PPFIA2: variants seen among roughly 807,000 people sequenced by gnomAD.
PPFIA2 encodes the protein liprin-alpha-2.
A neutral mutation model predicts 175.5 loss-of-function variants in PPFIA2; 46 were observed. That is an observed-to-expected ratio of 0.26 (90% CI 0.21 to 0.34). The LOEUF (loss-of-function observed/expected upper bound fraction) is 0.34. Among genes scored for constraint, PPFIA2 ranks in the 10% least tolerant of loss-of-function variants. The probability of loss-of-function intolerance (pLI) is 1.00; values close to 1 mark genes in which losing one functional copy is unlikely to be tolerated. For missense variants in PPFIA2, 1,179 were observed against 1,506.1 expected (o/e 0.78, Z 3.60); for synonymous variants, 568 against 511.4 (o/e 1.11, Z -1.49).
At chr12:81,547,596 AACTT>A (rs1269637549) in intron 4 of PPFIA2, among the ~76,000 whole-genome samples, 1 of 152,172 alleles carries the variant, frequency 6.6e-6, no homozygotes, top group Non-Finnish European at 1.5e-5. Context: ...GCTGGTCTCG[AACTT>A]ACTGACTAAG....
chr12:81,401,533 C>T (rs1283734007), intron 8 of PPFIA2, among the ~76,000 whole-genome samples: 3 of 152,022 alleles, frequency 2.0e-5, no homozygotes, highest in Non-Finnish European at 2.9e-5. Flanking sequence ...TTTTTGATAC[C>T]ACAATATTTA....
At chr12:81,274,359 T>C (rs1484684677) in intron 28 of PPFIA2, among the ~76,000 whole-genome samples, 6 of 151,818 alleles carry the variant, frequency 4.0e-5, no homozygotes, top group South Asian at 4.2e-4. Context: ...CTAAGACATA[T>C]TATGTGGTCG....
intron 4 of PPFIA2, among the ~76,000 whole-genome samples, chr12:81,579,221 A>C (rs752250186): frequency 9.9e-5 from 15 of 151,836 alleles, no homozygotes; most frequent in Non-Finnish European, 1.9e-4. Context: ...GCTAAAGGTA[A>C]AAAGATAATG....
chr12:81,541,044 C>T (rs2066135375), intron 4 of PPFIA2, among the ~76,000 whole-genome samples: 1 of 152,022 alleles, frequency 6.6e-6, no homozygotes, highest in African/African-American at 2.4e-5. Flanking sequence ...TAGGTAGATA[C>T]TCATAAACAA....
intron 24 of PPFIA2, 180 bp downstream of exon 24, chr12:81,294,655 T>C: frequency 3.2e-6 from 2 of 631,286 alleles, no homozygotes; most frequent in South Asian, 3.9e-5. Context: ...ATATGAATCA[T>C]AGTTCCTCAT....
chr12:81,421,554 A>G (rs2046244335), intron 7 of PPFIA2, among the ~76,000 whole-genome samples: 1 of 149,500 alleles, frequency 6.7e-6, no homozygotes, highest in Non-Finnish European at 1.5e-5. Flanking sequence ...ATACAAGAAG[A>G]AAAAAAATCA....
chr12:81,599,309 C>T (rs888130465), intron 4 of PPFIA2, among the ~76,000 whole-genome samples: 20 of 151,832 alleles, frequency 1.3e-4, no homozygotes, highest in Admixed American at 4.6e-4. Context: ...ACACATACAA[C>T]CTAAATTATT....
chr12:81,384,696 T>G (rs1465935676), intron 8 of PPFIA2, among the ~76,000 whole-genome samples: 1 of 152,118 alleles, frequency 6.6e-6, no homozygotes, highest in African/African-American at 2.4e-5. Context: ...TTTTTAAGTT[T>G]TATTTTCAAT....
chr12:81,688,539 T>C (rs1023413539), intron 3 of PPFIA2, among the ~76,000 whole-genome samples: 2 of 151,568 alleles, frequency 1.3e-5, no homozygotes, highest in Non-Finnish European at 3.0e-5. Flanking sequence ...TACCACATAA[T>C]TTAATTTTAA....
At chr12:81,285,817 T>G (rs1345433356) in intron 24 of PPFIA2, among the ~76,000 whole-genome samples, 2 of 152,128 alleles carry the variant, frequency 1.3e-5, no homozygotes, top group African/African-American at 4.8e-5. Context: ...CCATGATTTT[T>G]AAATCATTAT....
intron 7 of PPFIA2, among the ~76,000 whole-genome samples, chr12:81,437,517 A>G (rs931533096): frequency 1.5e-4 from 23 of 152,110 alleles, no homozygotes; most frequent in South Asian, 8.3e-4. Context: ...ACAGGTGTGA[A>G]CCACCACACC....
intron 3 of PPFIA2, among the ~76,000 whole-genome samples, chr12:81,688,165 A>C (rs932587391): frequency 6.6e-6 from 1 of 152,034 alleles, no homozygotes; most frequent in Non-Finnish European, 1.5e-5. Flanking sequence ...TAATAAAAAA[A>C]TGAGTAATCT....
At position 81,390,851 on chromosome 12, in the gene PPFIA2, A is replaced by C. The variant is rs144235228; in HGVS notation, c.763-6607T>G. On this transcript the variant is annotated intron_variant, in intron 8 of 32. Coordinates refer to ENST00000549396, the MANE Select transcript of PPFIA2 (RefSeq NM_003625.5). ...CTCACGGTGTCATTTCTAAAAAATC[A>C]ATCCCCAACAGAAGGTCATAAAGAT... 2.0e-3 allele frequency among the ~76,000 whole-genome samples: 300 copies of C among 151,784 alleles called. 3 individuals carry two copies. The highest frequency in any genetic ancestry group is 6.8e-3 in the African/African-American group (282 of 41,450).
At chr12:81,630,931 C>T (rs1297389018) in intron 4 of PPFIA2, among the ~76,000 whole-genome samples, 1 of 146,428 alleles carries the variant, frequency 6.8e-6, no homozygotes, top group African/African-American at 2.5e-5. Flanking sequence ...GAGTCTAGCT[C>T]TGTTGGCCAG....
intron 4 of PPFIA2, among the ~76,000 whole-genome samples, chr12:81,562,525 A>G (rs958350813): frequency 6.6e-6 from 1 of 152,160 alleles, no homozygotes; most frequent in African/African-American, 2.4e-5. Flanking sequence ...ACTGAGGAAT[A>G]TTTCAAGAAC....
At chr12:81,455,703 T>C (rs879295145) in intron 5 of PPFIA2, among the ~76,000 whole-genome samples, 3 of 152,216 alleles carry the variant, frequency 2.0e-5, no homozygotes, top group Admixed American at 2.0e-4. Context: ...CACAATTAGA[T>C]ACTGTGGTGG....
chr12:81,757,262 C>G (rs1366657885), intron 2 of PPFIA2, among the ~76,000 whole-genome samples: 1 of 152,110 alleles, frequency 6.6e-6, no homozygotes. Flanking sequence ...ATGTCTAGTG[C>G]GTTTCACCCA....
intron 22 of PPFIA2, among the ~76,000 whole-genome samples, chr12:81,317,455 A>G (rs983159538): frequency 3.3e-5 from 5 of 151,588 alleles, no homozygotes; most frequent in Non-Finnish European, 7.4e-5. Context: ...AAGCAGAAAG[A>G]CTATTGTAGT....
At chr12:81,273,080 AT>A (rs373865763) in intron 28 of PPFIA2, among the ~76,000 whole-genome samples, 5 of 151,784 alleles carry the variant, frequency 3.3e-5, no homozygotes, top group African/African-American at 7.3e-5. Context: ...ATGACCTTTG[AT>A]TTTTTTTACT....
Sources: allele counts gnomAD v4.1 joint callset (sites outside exome capture counted in the v4.1 genomes callset), GRCh38; gene constraint gnomAD v4.1.1; transcripts MANE v1.5; gene names NCBI Gene and HGNC (gene_info 2026-07-23, HGNC 2026-07-21).